TNR: variants seen among roughly 807,000 people sequenced by gnomAD.
TNR encodes the protein tenascin R.
In TNR, 45 loss-of-function variants were observed where a neutral mutation model predicts 150.4. The ratio of observed to expected loss-of-function variants is 0.30; its 90% confidence interval spans 0.24 to 0.38. TNR has a LOEUF of 0.38. Ranked by LOEUF, TNR falls within the 10% of genes least tolerant of loss-of-function variation. The probability of loss-of-function intolerance (pLI) is 1.00; values close to 1 mark genes in which losing one functional copy is unlikely to be tolerated. For missense variants in TNR, 1,544 were observed against 1,759.1 expected (o/e 0.88, Z 2.19); for synonymous variants, 687 against 678.4 (o/e 1.01, Z -0.20).
chr1:175,704,110 G>T (rs1303764228), intron 1 of TNR, among the ~76,000 whole-genome samples: 1 of 152,206 alleles, frequency 6.6e-6, no homozygotes, highest in Non-Finnish European at 1.5e-5. Flanking sequence ...TGATGGAAAA[G>T]TTCTGGAAAT....
intron 1 of TNR, among the ~76,000 whole-genome samples, chr1:175,723,851 A>G (rs1188383293): frequency 6.6e-6 from 1 of 152,228 alleles, no homozygotes; most frequent in Non-Finnish European, 1.5e-5. Flanking sequence ...AGCCTAGGCA[A>G]CAGAGTGAGA....
intron 1 of TNR, among the ~76,000 whole-genome samples, chr1:175,668,730 T>C (rs1418812488): frequency 6.6e-6 from 1 of 152,188 alleles, no homozygotes; most frequent in Non-Finnish European, 1.5e-5. Context: ...TCTCTAATGA[T>C]CTCAAGAGCT....
In TNR at chr1:175,451,824, C is replaced by T. The variant is rs959315346; in HGVS notation, c.-63-45047G>A. On this transcript the variant is annotated intron_variant, in intron 2 of 22. Transcript: ENST00000367674. ...AACGTTGGAGAGACACAGACTAATG[C>T]GTTCTCTCCTTATATGTTATATGGT... Among the ~76,000 whole-genome samples the T allele has an allele frequency of 5.3e-5, 8 of 152,178 alleles. No individual in the cohort carries two copies. The South Asian group carries it at 6.2e-4, about 12-fold the overall frequency.
intron 1 of TNR, among the ~76,000 whole-genome samples, chr1:175,602,136 C>T (rs1663261920): frequency 6.9e-6 from 1 of 145,922 alleles, no homozygotes; most frequent in Non-Finnish European, 1.5e-5. Flanking sequence ...ATTTGTCCTC[C>T]AGGCTCCTGC....
chr1:175,471,568 C>T (rs1023845431), intron 2 of TNR, among the ~76,000 whole-genome samples: 3 of 152,072 alleles, frequency 2.0e-5, no homozygotes, highest in Non-Finnish European at 4.4e-5. Context: ...ACTAAAAATA[C>T]AGCATAAAGG....
chr1:175,713,350 CT>C (rs1207119758), intron 1 of TNR, among the ~76,000 whole-genome samples: 6 of 152,256 alleles, frequency 3.9e-5, no homozygotes, highest in South Asian at 2.1e-4. Flanking sequence ...TGCCCCTATC[CT>C]TTTTTTCCCC....
intron 8 of TNR, among the ~76,000 whole-genome samples, 181 bp from the exon 9 acceptor site, chr1:175,379,918 A>T (rs10912967): frequency 6.6e-6 from 1 of 152,064 alleles, no homozygotes; most frequent in Non-Finnish European, 1.5e-5. Flanking sequence ...TTCCTTGGGC[A>T]GGTTAGAGTG....
chr1:175,476,840 G>A (rs1224590239), intron 2 of TNR, among the ~76,000 whole-genome samples: 1 of 152,162 alleles, frequency 6.6e-6, no homozygotes, highest in Non-Finnish European at 1.5e-5. Context: ...CTCAGAATGT[G>A]GGTGAGGGCA....
chr1:175,346,453 G>A (rs1210590935), intron 18 of TNR, among the ~76,000 whole-genome samples: 1 of 151,970 alleles, frequency 6.6e-6, no homozygotes, highest in African/African-American at 2.4e-5. Flanking sequence ...TAAGAAAGGA[G>A]GAGGGATAAA....
At chr1:175,500,667 G>A (rs1204111042) in intron 2 of TNR, among the ~76,000 whole-genome samples, 1 of 152,176 alleles carries the variant, frequency 6.6e-6, no homozygotes, top group Non-Finnish European at 1.5e-5. Flanking sequence ...AAATAAATTA[G>A]GAAAAGAGGG....
chr1:175,732,018 CCAGAG>C, intron 1 of TNR, among the ~76,000 whole-genome samples: 1 of 152,302 alleles, frequency 6.6e-6, no homozygotes, highest in Non-Finnish European at 1.5e-5. Flanking sequence ...ATCTCTGACT[CCAGAG>C]CAGGAATGTG....
chr1:175,597,170 G>A (rs1368467228), intron 1 of TNR, among the ~76,000 whole-genome samples: 3 of 152,246 alleles, frequency 2.0e-5, no homozygotes, highest in African/African-American at 7.2e-5. Flanking sequence ...ACATCCCTGC[G>A]AGGCAGGTGA....
At chr1:175,649,534 G>A (rs1186078394) in intron 1 of TNR, among the ~76,000 whole-genome samples, 1 of 152,148 alleles carries the variant, frequency 6.6e-6, no homozygotes, top group Non-Finnish European at 1.5e-5. Context: ...ATGGAGCACA[G>A]TACTCGCACA....
At chr1:175,473,779 T>G (rs773353936) in intron 2 of TNR, among the ~76,000 whole-genome samples, 17 of 152,230 alleles carry the variant, frequency 1.1e-4, no homozygotes, top group Admixed American at 3.9e-4. Flanking sequence ...GAAAGTGCAC[T>G]CTTTAATGTA....
At chr1:175,541,273 C>T (rs1265815949) in intron 1 of TNR, among the ~76,000 whole-genome samples, 2 of 152,190 alleles carry the variant, frequency 1.3e-5, no homozygotes. Flanking sequence ...TTTAGCTTGG[C>T]CTGCAGGAGA....
intron 2 of TNR, among the ~76,000 whole-genome samples, chr1:175,500,763 G>C (rs1347596016): frequency 2.0e-5 from 3 of 152,214 alleles, no homozygotes; most frequent in Admixed American, 2.0e-4. Flanking sequence ...AAGTCTCCCT[G>C]TTCAAAGGGG....
At chr1:175,480,930 A>G (rs1657781615) in intron 2 of TNR, among the ~76,000 whole-genome samples, 1 of 152,188 alleles carries the variant, frequency 6.6e-6, no homozygotes, top group Non-Finnish European at 1.5e-5. Context: ...ATGGTTCTGT[A>G]TTTATTCACC....
intron 1 of TNR, among the ~76,000 whole-genome samples, chr1:175,557,862 G>A (rs1661238343): frequency 8.9e-6 from 1 of 112,772 alleles, no homozygotes; most frequent in Non-Finnish European, 1.9e-5. Flanking sequence ...GCAAAGACTT[G>A]GAACCAACCC....
chr1:175,650,920 C>T (rs1362422309), intron 1 of TNR, among the ~76,000 whole-genome samples: 2 of 43,780 alleles, frequency 4.6e-5, no homozygotes, highest in South Asian at 7.3e-4. Context: ...ATTACTACCC[C>T]TCCCCACCTC....
Sources: gnomAD v4.1 joint callset for allele counts (sites outside exome capture counted in the v4.1 genomes callset) on GRCh38, gnomAD v4.1.1 for gene constraint, MANE v1.5 for transcripts, NCBI Gene and HGNC (gene_info 2026-07-23, HGNC 2026-07-21) for gene names.